CPED1: variants seen among roughly 807,000 people sequenced by gnomAD.
The protein encoded by CPED1 is cadherin-like and PC-esterase domain-containing protein 1.
Under a neutral mutation model 128.2 loss-of-function variants are expected in CPED1, and 114 were observed. The observed-to-expected ratio is 0.89, with a 90% CI of 0.76 to 1.04. The LOEUF is 1.04. Among genes scored for constraint, CPED1 ranks in the 50% least tolerant of loss-of-function variants. The probability of loss-of-function intolerance (pLI) is 0.00; values close to 1 mark genes in which losing one functional copy is unlikely to be tolerated. For missense variants in CPED1, 1,211 were observed against 1,207.1 expected, an observed-to-expected ratio of 1.00 and a Z score of -0.05; for synonymous variants, 462 against 426.7, an observed-to-expected ratio of 1.08 and a Z score of -1.02.
intron 16 of CPED1, among the ~76,000 whole-genome samples, chr7:121,184,685 G>C (rs1370337237): frequency 6.6e-6 from 1 of 152,098 alleles, no homozygotes; most frequent in African/African-American, 2.4e-5. Flanking sequence ...TAAAAATAGA[G>C]TAAGAACTGG....
intron 18 of CPED1, among the ~76,000 whole-genome samples, chr7:121,244,740 T>A (rs1214649130): frequency 6.6e-6 from 1 of 152,176 alleles, no homozygotes; most frequent in Non-Finnish European, 1.5e-5. Context: ...GCACAGGAAA[T>A]CAAAAGGTCC....
rs1167998447 is a variant in CPED1, at chr7:120,989,881, C to T, written c.249+11C>T. On this transcript the variant is annotated intron_variant, in intron 2 of 22. Coordinates refer to ENST00000310396, the MANE Select transcript of CPED1 (RefSeq NM_024913.5). ...CAGGAAACCAGAAAGGTAAGACTCTCATAAGCTTAACGGAGACAGTTTCTG... is the reference window on the plus strand; with the variant it reads ...CAGGAAACCAGAAAGGTAAGACTCTTATAAGCTTAACGGAGACAGTTTCTG... The T allele has an allele frequency of 6.2e-7, 1 of 1,613,732 alleles. No individual in the cohort carries two copies. The highest frequency in any genetic ancestry group is 2.2e-5 in the East Asian group (1 of 44,880).
intron 17 of CPED1, among the ~76,000 whole-genome samples, chr7:121,242,148 C>T (rs1798411188): frequency 1.3e-5 from 2 of 152,182 alleles, no homozygotes; most frequent in Admixed American, 1.3e-4. Context: ...GATATTTTTA[C>T]TCCATTATGC....
At chr7:121,025,273 C>T (rs961318759) in intron 3 of CPED1, among the ~76,000 whole-genome samples, 2 of 152,094 alleles carry the variant, frequency 1.3e-5, no homozygotes, top group African/African-American at 4.8e-5. Context: ...AATCTCTCCC[C>T]AATTAACTGT....
At chr7:121,025,607 TCCAAA>T (rs1285588967) in intron 3 of CPED1, among the ~76,000 whole-genome samples, 1 of 152,134 alleles carries the variant, frequency 6.6e-6, no homozygotes, top group East Asian at 1.9e-4. Context: ...GGAGTGTTCT[TCCAAA>T]CCCTTTTCCC....
At chr7:121,242,680 G>A (rs1321508221) in intron 17 of CPED1, among the ~76,000 whole-genome samples, 3 of 152,062 alleles carry the variant, frequency 2.0e-5, no homozygotes, top group African/African-American at 7.2e-5. Flanking sequence ...AAAAATGGTG[G>A]TAAGAAGAAC....
intron 16 of CPED1, among the ~76,000 whole-genome samples, chr7:121,151,794 A>G (rs1449025425): frequency 6.6e-6 from 1 of 152,236 alleles, no homozygotes; most frequent in Non-Finnish European, 1.5e-5. Flanking sequence ...AGGCTATAAC[A>G]AATTGTTTTT....
At chr7:121,282,933 A>C (rs1442450085) in intron 22 of CPED1, among the ~76,000 whole-genome samples, 4 of 152,172 alleles carry the variant, frequency 2.6e-5, no homozygotes, top group African/African-American at 9.7e-5. Flanking sequence ...TGAAAGATGG[A>C]TATTACATGG....
chr7:121,233,378 AC>A (rs1277959973), intron 16 of CPED1, among the ~76,000 whole-genome samples: 1 of 152,018 alleles, frequency 6.6e-6, no homozygotes, highest in Non-Finnish European at 1.5e-5. Flanking sequence ...AAGAGATGAC[AC>A]TTAAGACCAA....
At chr7:121,147,015 C>T (rs1022906682) in intron 16 of CPED1, among the ~76,000 whole-genome samples, 1 of 152,078 alleles carries the variant, frequency 6.6e-6, no homozygotes, top group Non-Finnish European at 1.5e-5. Flanking sequence ...CCTATAGCAA[C>T]CCCCTCCCCA....
At chr7:121,250,031 C>T (rs1798633918) in intron 18 of CPED1, among the ~76,000 whole-genome samples, 1 of 152,190 alleles carries the variant, frequency 6.6e-6, no homozygotes, top group Non-Finnish European at 1.5e-5. Flanking sequence ...CTTTTCAGCA[C>T]CACACCATAC....
intron 2 of CPED1, among the ~76,000 whole-genome samples, chr7:120,998,508 T>C (rs935221813): frequency 6.6e-6 from 1 of 152,146 alleles, no homozygotes; most frequent in Non-Finnish European, 1.5e-5. Flanking sequence ...ATATTAACTA[T>C]GAAAATAATT....
At chr7:121,106,027 G>A (rs1794966812) in intron 7 of CPED1, among the ~76,000 whole-genome samples, 1 of 152,120 alleles carries the variant, frequency 6.6e-6, no homozygotes, top group Non-Finnish European at 1.5e-5. Context: ...CATTTCCAGA[G>A]CCTCACAGAG....
At chr7:121,081,420 A>G (rs1794291081) in intron 5 of CPED1, among the ~76,000 whole-genome samples, 1 of 152,172 alleles carries the variant, frequency 6.6e-6, no homozygotes, top group African/African-American at 2.4e-5. Context: ...GGAGAGAAGC[A>G]TGAACTCTAT....
At chr7:121,019,744 G>C (rs548030260) in intron 3 of CPED1, among the ~76,000 whole-genome samples, 1 of 151,848 alleles carries the variant, frequency 6.6e-6, no homozygotes, top group Non-Finnish European at 1.5e-5. Context: ...GCACTATTAT[G>C]GTTCTCCCAT....
intron 18 of CPED1, among the ~76,000 whole-genome samples, chr7:121,254,921 C>A (rs986385037): frequency 3.8e-4 from 51 of 135,246 alleles, no homozygotes; most frequent in African/African-American, 1.3e-3. Context: ...AAAAAAAAAA[C>A]ATACCAATCA....
chr7:121,039,636 G>A (rs1792993743), intron 3 of CPED1, among the ~76,000 whole-genome samples: 1 of 151,968 alleles, frequency 6.6e-6, no homozygotes, highest in African/African-American at 2.4e-5. Flanking sequence ...AGTCTTGAAA[G>A]CAGTAAAAAT....
chr7:121,248,594 C>CA (rs36015608), intron 18 of CPED1, among the ~76,000 whole-genome samples: 24,286 of 118,062 alleles, frequency 0.21, 2,692 homozygotes, highest in Middle Eastern at 0.26. Context: ...CCCTGTGAAA[C>CA]AAAAAAAAAA....
intron 16 of CPED1, among the ~76,000 whole-genome samples, chr7:121,146,863 A>G (rs1029095133): frequency 2.6e-5 from 4 of 152,170 alleles, no homozygotes; most frequent in African/African-American, 4.8e-5. Context: ...GTTAATTTAC[A>G]TAACATATAA....
Sources: gnomAD v4.1 joint callset for allele counts (sites outside exome capture counted in the v4.1 genomes callset) on GRCh38, gnomAD v4.1.1 for gene constraint, MANE v1.5 for transcripts, NCBI Gene and HGNC (gene_info 2026-07-23, HGNC 2026-07-21) for gene names.